FZD3: variants seen among roughly 807,000 people sequenced by gnomAD.
FZD3 encodes the protein frizzled class receptor 3.
In FZD3, 30 loss-of-function variants were observed where a neutral mutation model predicts 60.7. The ratio of observed to expected loss-of-function variants is 0.49; its 90% CI spans 0.37 to 0.67. The LOEUF is 0.67. FZD3 is among the 30% of genes least tolerant of loss of function. The pLI is 0.00. For missense variants in FZD3, 605 were observed against 838.7 expected (o/e 0.72, Z 3.44); for synonymous variants, 246 against 275.2 (o/e 0.89, Z 1.05).
At chr8:28,553,872 C>G (rs1271372503) in intron 6 of FZD3, among the ~76,000 whole-genome samples, 1 of 152,210 alleles carries the variant, frequency 6.6e-6, no homozygotes, top group Non-Finnish European at 1.5e-5. Context: ...AAGCACTGTT[C>G]TAAGCACTTT....
At chr8:28,508,336 A>G (rs1804195391) in intron 3 of FZD3, among the ~76,000 whole-genome samples, 1 of 151,972 alleles carries the variant, frequency 6.6e-6, no homozygotes, top group Non-Finnish European at 1.5e-5. Context: ...TTTTATTTGG[A>G]AATGATGCTT....
At chr8:28,544,240 C>T (rs1427627392) in intron 5 of FZD3, among the ~76,000 whole-genome samples, 1 of 152,018 alleles carries the variant, frequency 6.6e-6, no homozygotes, top group Non-Finnish European at 1.5e-5. Flanking sequence ...TCATGTGTTC[C>T]TCCTTAATAT....
chr8:28,522,852 C>T (rs1161087426), intron 4 of FZD3, among the ~76,000 whole-genome samples: 2 of 148,702 alleles, frequency 1.3e-5, no homozygotes, highest in African/African-American at 5.0e-5. Flanking sequence ...TCACTGCAAC[C>T]TCCACCTCCT....
chr8:28,499,428 C>G (rs1406033924), intron 1 of FZD3, among the ~76,000 whole-genome samples: 3 of 152,066 alleles, frequency 2.0e-5, no homozygotes, highest in Non-Finnish European at 2.9e-5. Flanking sequence ...TATTGGTAGA[C>G]TTTTCAGTTG....
intron 5 of FZD3, among the ~76,000 whole-genome samples, chr8:28,545,424 G>C (rs933588885): frequency 6.6e-6 from 1 of 152,178 alleles, no homozygotes; most frequent in African/African-American, 2.4e-5. Context: ...GCCCAGGCTG[G>C]CCCTAAGCTG....
chr8:28,555,165 G>A (rs772228800), intron 6 of FZD3, among the ~76,000 whole-genome samples: 15 of 151,950 alleles, frequency 9.9e-5, no homozygotes, highest in Non-Finnish European at 1.5e-4. Context: ...AATTATGACT[G>A]CTCATGTTTA....
Position 28,565,052 on chromosome 8 carries a change from C to A in FZD3, c.*2041C>A, listed in dbSNP as rs1472199780. ...CGTGTGTTGAATTCATGTATACTTT[C>A]TTTCTTACCCTTTAAAACAAACTGC... On this transcript the variant is annotated 3_prime_UTR_variant, in exon 8 of 8. Coordinates refer to ENST00000240093, the MANE Select transcript of FZD3 (RefSeq NM_017412.4). The A allele has an allele frequency of 3.5e-5, 4 of 113,574 alleles. No individual in the cohort carries two copies. Among genetic ancestry groups the A allele is most frequent in the Non-Finnish European group, 7.5e-5 (4 of 53,580 alleles). 7.0% of individuals were successfully genotyped at this position (113,574 alleles called of 1,614,324 possible).
intron 5 of FZD3, among the ~76,000 whole-genome samples, chr8:28,538,249 A>G (rs1263360494): frequency 6.6e-6 from 1 of 152,006 alleles, no homozygotes; most frequent in Non-Finnish European, 1.5e-5. Context: ...ATTTCCAGTA[A>G]TCTTTGAAGG....
Position 28,563,093 on chromosome 8 carries a change from A to G in FZD3, c.*82A>G. 1.1e-6 allele frequency: 1 copy of G among 877,196 alleles called. No homozygotes were observed. Among genetic ancestry groups the G allele is most frequent in the Non-Finnish European group, 1.9e-6 (1 of 517,426 alleles). The allele number at this position is 877,196 out of a possible 1,614,324, so 54.3% of individuals were successfully genotyped here. A position where few individuals can be genotyped will look rare whatever the true frequency, so the allele number is the denominator to read the frequency against. On this transcript the variant is annotated 3_prime_UTR_variant, in exon 8 of 8. Transcript: ENST00000240093. ...GCCTTTTGCATGACTGATAGCTGTA[A>G]CTCACAGTTAACATGCTTTCAGTCA...
chr8:28,494,678 C>T (rs1192221503), intron 1 of FZD3, among the ~76,000 whole-genome samples: 1 of 152,046 alleles, frequency 6.6e-6, no homozygotes, highest in African/African-American at 2.4e-5. Context: ...CCTGTCCGCC[C>T]TGAGCCCGCG....
chr8:28,531,946 C>CTT (rs1804886668), intron 5 of FZD3, among the ~76,000 whole-genome samples: 2 of 152,112 alleles, frequency 1.3e-5, no homozygotes, highest in South Asian at 4.1e-4. Flanking sequence ...AAATGGCCTG[C>CTT]TGTATTTTTT....
At chr8:28,550,437 G>T (rs72609993) in intron 5 of FZD3, among the ~76,000 whole-genome samples, 25 of 79,566 alleles carry the variant, frequency 3.1e-4, no homozygotes, top group Admixed American at 5.6e-4. Flanking sequence ...TAGTTCTGCT[G>T]TTTTTTTTTT....
intron 4 of FZD3, among the ~76,000 whole-genome samples, chr8:28,522,936 A>G (rs1804623375): frequency 1.3e-5 from 2 of 151,586 alleles, no homozygotes; most frequent in Non-Finnish European, 2.9e-5. Flanking sequence ...CATCCAGCTA[A>G]TTTTTGCATT....
chr8:28,555,436 GGAAA>G (rs1193038570), intron 6 of FZD3, among the ~76,000 whole-genome samples: 24 of 152,254 alleles, frequency 1.6e-4, no homozygotes, highest in African/African-American at 5.8e-4. Context: ...AAGAAATGAA[GGAAA>G]GAAAGAGGAG....
chr8:28,525,087 T>C (rs1804682609), intron 4 of FZD3, among the ~76,000 whole-genome samples: 1 of 152,200 alleles, frequency 6.6e-6, no homozygotes, highest in South Asian at 2.1e-4. Flanking sequence ...CAAGTCTGTC[T>C]TTTACACTGC....
intron 5 of FZD3, among the ~76,000 whole-genome samples, chr8:28,541,945 C>G (rs1805177917): frequency 6.6e-6 from 1 of 152,156 alleles, no homozygotes; most frequent in East Asian, 1.9e-4. Context: ...CAATGGCCTT[C>G]CTATTCAACT....
chr8:28,518,554 A>C (rs578225589), intron 3 of FZD3, among the ~76,000 whole-genome samples: 22 of 152,166 alleles, frequency 1.4e-4, no homozygotes, highest in African/African-American at 5.3e-4. Flanking sequence ...AAGACTGCCA[A>C]AATCTCTACT....
In FZD3 at chr8:28,502,013, C is replaced by T. The variant is rs748953157; in HGVS notation, c.-344-657C>T. On this transcript the variant is annotated intron_variant, in intron 2 of 7. Transcript: ENST00000240093. ...CTAATTCAATGATTAAAATGTCTAA[C>T]GCTTCATACTGCTTTACCATTTATA... 1.4e-4 allele frequency among the ~76,000 whole-genome samples: 22 copies of T among 152,120 alleles called. 1 individual carries two copies. The highest frequency in any genetic ancestry group is 2.6e-4 in the Non-Finnish European group (18 of 68,014).
At chr8:28,557,415 A>T (rs1034476934) in intron 7 of FZD3, among the ~76,000 whole-genome samples, 10 of 152,216 alleles carry the variant, frequency 6.6e-5, no homozygotes, top group African/African-American at 1.9e-4. Flanking sequence ...AGCTGTTTCT[A>T]TCCTGTCAGT....
Sources: allele counts gnomAD v4.1 joint callset (sites outside exome capture counted in the v4.1 genomes callset), GRCh38; gene constraint gnomAD v4.1.1; transcripts MANE v1.5; gene names NCBI Gene and HGNC (gene_info 2026-07-23, HGNC 2026-07-21).